Variants in ARNT2 observed in about 807,000 individuals in gnomAD.
ARNT2 encodes the protein aryl hydrocarbon receptor nuclear translocator 2.
Under a neutral mutation model 91.7 loss-of-function variants are expected in ARNT2, and 36 were observed. The ratio of observed to expected loss-of-function variants is 0.39; its 90% CI spans 0.30 to 0.52. The LOEUF (loss-of-function observed/expected upper bound fraction) is 0.52. Ranked by LOEUF, ARNT2 falls within the 20% of genes least tolerant of loss-of-function variation. The pLI is 0.72. For synonymous variants in ARNT2, 365 were observed against 347.1 expected (o/e 1.05, Z -0.57); for missense variants, 775 against 939.3 (o/e 0.83, Z 2.29).
At chr15:80,521,617 A>T (rs1038927629) in intron 8 of ARNT2, among the ~76,000 whole-genome samples, 2 of 151,788 alleles carry the variant, frequency 1.3e-5, no homozygotes, top group Non-Finnish European at 2.9e-5. Context: ...ATTGCAGTCC[A>T]TATAAATAAA....
intron 1 of ARNT2, among the ~76,000 whole-genome samples, chr15:80,416,852 T>A (rs969713676): frequency 2.0e-5 from 3 of 152,200 alleles, no homozygotes; most frequent in Non-Finnish European, 4.4e-5. Context: ...AGTCTGTTGA[T>A]GAAGTCAAGG....
At chr15:80,499,885 A>G (rs1294506962) in intron 5 of ARNT2, among the ~76,000 whole-genome samples, 1 of 152,198 alleles carries the variant, frequency 6.6e-6, no homozygotes, top group East Asian at 1.9e-4. Flanking sequence ...ATTGTGGTAG[A>G]GGAGGTAATG....
At chr15:80,451,683 A>G (rs1320456344) in intron 2 of ARNT2, among the ~76,000 whole-genome samples, 1 of 151,650 alleles carries the variant, frequency 6.6e-6, no homozygotes, top group Non-Finnish European at 1.5e-5. Flanking sequence ...CCAACCATCC[A>G]ACCAACCAAC....
At chr15:80,514,527 G>A (rs1200145880) in intron 8 of ARNT2, 122 bp downstream of exon 8, 3 of 833,490 alleles carry the variant, frequency 3.6e-6, no homozygotes, top group African/African-American at 1.7e-5. Context: ...TTTCTTTGTG[G>A]TTAGAACACA....
chr15:80,567,100 T>G (rs1025482751), intron 12 of ARNT2, among the ~76,000 whole-genome samples: 4 of 151,826 alleles, frequency 2.6e-5, no homozygotes, highest in Admixed American at 6.6e-5. Context: ...GAAACGGGAG[T>G]AAAGGTAAGC....
At chr15:80,468,057 C>T (rs935336258) in intron 3 of ARNT2, among the ~76,000 whole-genome samples, 3 of 152,174 alleles carry the variant, frequency 2.0e-5, no homozygotes, top group Admixed American at 2.0e-4. Context: ...TATCTACCCC[C>T]GAGTCAACAA....
At chr15:80,540,833 T>C (rs1483105945) in intron 8 of ARNT2, among the ~76,000 whole-genome samples, 1 of 152,186 alleles carries the variant, frequency 6.6e-6, no homozygotes, top group African/African-American at 2.4e-5. Flanking sequence ...GATTTCATTC[T>C]TTTTTATGGC....
intron 10 of ARNT2, 47 bp downstream of exon 10, chr15:80,552,821 T>C: frequency 6.3e-7 from 1 of 1,594,544 alleles, no homozygotes; most frequent in Non-Finnish European, 8.6e-7. Flanking sequence ...GAGATTTAAT[T>C]GTTTTTAAAA....
intron 1 of ARNT2, among the ~76,000 whole-genome samples, chr15:80,427,917 T>A (rs1895954772): frequency 6.6e-6 from 1 of 152,354 alleles, no homozygotes; most frequent in East Asian, 1.9e-4. Flanking sequence ...TCTGGCCTTG[T>A]TTCCTTTGGC....
At chr15:80,460,385 G>A (rs1896535077) in intron 3 of ARNT2, among the ~76,000 whole-genome samples, 1 of 152,216 alleles carries the variant, frequency 6.6e-6, no homozygotes, top group African/African-American at 2.4e-5. Flanking sequence ...ATCACAGCAG[G>A]CCTTAGATGC....
intron 4 of ARNT2, 123 bp from the exon 5 acceptor site, chr15:80,474,887 A>C: frequency 1.9e-6 from 2 of 1,038,124 alleles, no homozygotes; most frequent in Non-Finnish European, 2.8e-6. Flanking sequence ...TCATTTCCCA[A>C]ACTATTTGTG....
At chr15:80,464,420 G>T (rs1896619378) in intron 3 of ARNT2, among the ~76,000 whole-genome samples, 1 of 152,192 alleles carries the variant, frequency 6.6e-6, no homozygotes, top group Non-Finnish European at 1.5e-5. Flanking sequence ...GTCTCACTGG[G>T]AACAGGGATT....
At chr15:80,586,537 G>A (rs1898904516) in intron 17 of ARNT2, among the ~76,000 whole-genome samples, 1 of 152,136 alleles carries the variant, frequency 6.6e-6, no homozygotes, top group African/African-American at 2.4e-5. Context: ...GCCCCACCTA[G>A]CCCATACTCA....
chr15:80,582,350 G>A (rs1205928227), intron 17 of ARNT2, among the ~76,000 whole-genome samples: 3 of 150,132 alleles, frequency 2.0e-5, no homozygotes, highest in African/African-American at 4.9e-5. Flanking sequence ...AAAAAAATTA[G>A]CCAGGTGTTG....
intron 8 of ARNT2, among the ~76,000 whole-genome samples, chr15:80,537,767 G>C (rs1185986265): frequency 3.3e-5 from 5 of 152,226 alleles, no homozygotes; most frequent in Non-Finnish European, 7.3e-5. Context: ...TGTTACCACT[G>C]ACATCCCTGG....
At chr15:80,425,267 AC>A (rs1466445899) in intron 1 of ARNT2, among the ~76,000 whole-genome samples, 1 of 152,178 alleles carries the variant, frequency 6.6e-6, no homozygotes, top group Non-Finnish European at 1.5e-5. Context: ...TATACAGAAG[AC>A]TTACTGTTTC....
chr15:80,498,693 T>C (rs1489237505), intron 5 of ARNT2, among the ~76,000 whole-genome samples: 1 of 152,050 alleles, frequency 6.6e-6, no homozygotes, highest in East Asian at 1.9e-4. Context: ...AAGGAAAAAT[T>C]GAAGAGGAAT....
At chr15:80,520,055 G>T (rs577479203) in intron 8 of ARNT2, among the ~76,000 whole-genome samples, 3 of 150,978 alleles carry the variant, frequency 2.0e-5, no homozygotes, top group South Asian at 2.1e-4. Flanking sequence ...CAAATGGAAG[G>T]CAGGTTTGCA....
chr15:80,593,272 G>T (rs1297654788), intron 18 of ARNT2, among the ~76,000 whole-genome samples: 1 of 152,166 alleles, frequency 6.6e-6, no homozygotes, highest in Non-Finnish European at 1.5e-5. Flanking sequence ...TATCTGTTAG[G>T]TGCACCTTGC....
Sources: gnomAD v4.1 joint callset for allele counts (sites outside exome capture counted in the v4.1 genomes callset) on GRCh38, gnomAD v4.1.1 for gene constraint, MANE v1.5 for transcripts, NCBI Gene and HGNC (gene_info 2026-07-23, HGNC 2026-07-21) for gene names.